CCDC148: variants seen among roughly 807,000 people sequenced by gnomAD.
CCDC148 encodes coiled-coil domain-containing protein 148.
Under a neutral mutation model 85.7 loss-of-function variants are expected in CCDC148, and 89 were observed. That is an observed-to-expected ratio of 1.04 (90% CI 0.87 to 1.24). The LOEUF is 1.24. CCDC148 is among the 50% of genes most tolerant of loss of function. The probability of loss-of-function intolerance (pLI) is 0.00; values close to 1 mark genes in which losing one functional copy is unlikely to be tolerated. For synonymous variants in CCDC148, 230 were observed against 213.9 expected (o/e 1.08, Z -0.66); for missense variants, 692 against 671.7 (o/e 1.03, Z -0.33).
At chr2:158,199,257 T>A (rs910257874) in intron 11 of CCDC148, among the ~76,000 whole-genome samples, 7 of 152,148 alleles carry the variant, frequency 4.6e-5, no homozygotes, top group African/African-American at 9.7e-5. Flanking sequence ...ATTTATATAT[T>A]TTTTTGAGAC....
chr2:158,324,687 T>C lies in CCDC148; in HGVS notation c.765-10793A>G, dbSNP rs375310327. On this transcript the variant is annotated intron_variant, in intron 7 of 13. Transcript: ENST00000283233. Reference sequence around the variant, plus strand: ...ATACACCAATTATATATTAAAATGCTCATTTCTCCCATACCATTTTAAACT... The same window carrying C: ...ATACACCAATTATATATTAAAATGCCCATTTCTCCCATACCATTTTAAACT... Among the ~76,000 whole-genome samples, 47 of 152,258 alleles carry C rather than the reference T, an allele frequency of 3.1e-4. No individual in the cohort carries two copies. The South Asian group carries it at 9.7e-3, about 32-fold the overall frequency.
At chr2:158,210,901 G>A (rs1255861318) in intron 11 of CCDC148, among the ~76,000 whole-genome samples, 2 of 149,032 alleles carry the variant, frequency 1.3e-5, no homozygotes, top group African/African-American at 2.5e-5. Context: ...GGAGCTTGCA[G>A]TGAGCCAAGA....
At chr2:158,239,074 G>A (rs1452242511) in intron 10 of CCDC148, among the ~76,000 whole-genome samples, 2 of 152,130 alleles carry the variant, frequency 1.3e-5, no homozygotes, top group African/African-American at 2.4e-5. Context: ...CTGTTAAGAA[G>A]ATTAAATGAA....
rs566677342 is a variant in CCDC148, at chr2:158,194,031, T to A, written c.1371-15035A>T. ...TAAAGTATAATAAAAAAAAAAAATT[T>A]AAAAAAATTTACAGTTTAAAGGGTA... On this transcript the variant is annotated intron_variant, in intron 11 of 13. Transcript: ENST00000283233. 5.8e-4 allele frequency among the ~76,000 whole-genome samples: 88 copies of A among 151,814 alleles called. 1 individual carries two copies. Among genetic ancestry groups the A allele is most frequent in the East Asian group, 3.3e-3 (17 of 5,132 alleles).
At chr2:158,330,269 A>G (rs200217595) in intron 7 of CCDC148, among the ~76,000 whole-genome samples, 3 of 151,976 alleles carry the variant, frequency 2.0e-5, no homozygotes, top group Non-Finnish European at 4.4e-5. Flanking sequence ...AGATAATCAT[A>G]TGGTTTTTGT....
At position 158,399,747 on chromosome 2, in the gene CCDC148, T is replaced by G. The variant is rs183806139; in HGVS notation, c.26-41177A>C. The stretch of plus-strand genomic sequence containing the variant: ...GGATGCCCTCTCTCTCCACTCCTAT[T>G]CAACATAGTATTGGAAGTTCTGGCC... On this transcript the variant is annotated intron_variant, in intron 1 of 13. Transcript: ENST00000283233. Among the ~76,000 whole-genome samples, 23 of 152,158 alleles carry G rather than the reference T, an allele frequency of 1.5e-4. No individual in the cohort carries two copies. The East Asian group carries it at 4.4e-3, about 29-fold the overall frequency.
intron 1 of CCDC148, among the ~76,000 whole-genome samples, chr2:158,359,951 A>G (rs1414500611): frequency 1.3e-5 from 2 of 152,192 alleles, no homozygotes; most frequent in Admixed American, 6.5e-5. Context: ...CCAGCACAGC[A>G]GTCTGAAGTT....
intron 9 of CCDC148, among the ~76,000 whole-genome samples, chr2:158,301,613 G>A (rs1168808978): frequency 6.6e-6 from 1 of 152,206 alleles, no homozygotes; most frequent in Non-Finnish European, 1.5e-5. Context: ...ACAGAAAACT[G>A]GAAGGCTCCA....
rs112935602 is a variant in CCDC148, at chr2:158,206,542, C to G, written c.1370+14053G>C. 7.2e-3 allele frequency among the ~76,000 whole-genome samples: 1,103 copies of G among 152,262 alleles called. 16 individuals carry two copies. Among genetic ancestry groups the G allele is most frequent in the African/African-American group, 0.025 (1,027 of 41,542 alleles). On this transcript the variant is annotated intron_variant, in intron 11 of 13. Transcript: ENST00000283233. The stretch of plus-strand genomic sequence containing the variant: ...GGATGGAGGAGGGAAATTTACCATG[C>G]AAATGTAATTTCAATAGGATGATTT...
chr2:158,439,351 T>G (rs148718819), intron 1 of CCDC148, among the ~76,000 whole-genome samples: 4,148 of 152,188 alleles, frequency 0.027, 76 homozygotes, highest in Middle Eastern at 0.1. Context: ...CTGGAAACCA[T>G]CATTCTCAGG....
At chr2:158,241,073 G>A (rs968594063) in intron 10 of CCDC148, among the ~76,000 whole-genome samples, 4 of 152,108 alleles carry the variant, frequency 2.6e-5, no homozygotes, top group African/African-American at 9.7e-5. Flanking sequence ...GAGAACAAAG[G>A]CACTCTCCTA....
At chr2:158,199,564 C>T (rs1412384725) in intron 11 of CCDC148, among the ~76,000 whole-genome samples, 1 of 152,104 alleles carries the variant, frequency 6.6e-6, no homozygotes, top group African/African-American at 2.4e-5. Flanking sequence ...AATTTAAAAC[C>T]AGTTTTTAGC....
intron 10 of CCDC148, among the ~76,000 whole-genome samples, chr2:158,221,058 CAAG>C (rs1315399164): frequency 6.6e-6 from 1 of 152,186 alleles, no homozygotes; most frequent in Admixed American, 6.5e-5. Flanking sequence ...ACCTGTTACT[CAAG>C]AATATTTTTA....
At position 158,313,858 on chromosome 2, in the gene CCDC148, G is replaced by A. The variant is rs138979340; in HGVS notation, c.801C>T (p.Tyr267=). The change falls in exon 8 of 14, where the codon TAC becomes TAT. Residue 267 remains tyrosine (Y), a synonymous_variant. Coordinates refer to ENST00000283233, the MANE Select transcript of CCDC148 (RefSeq NM_138803.4). ...CAGGGTACTGATCCAAAATAGCCTGGTAAATCCAGTGGTCTTCTTCACTTA... is the reference window on the plus strand; with the variant it reads ...CAGGGTACTGATCCAAAATAGCCTGATAAATCCAGTGGTCTTCTTCACTTA... ...CQLSEEDHWI[Y]QAILDQYPGD... The A allele has an allele frequency of 1.1e-4, 179 of 1,613,710 alleles. No individual in the cohort carries two copies. The highest frequency in any genetic ancestry group is 1.4e-4 in the Non-Finnish European group (162 of 1,179,836).
intron 10 of CCDC148, among the ~76,000 whole-genome samples, chr2:158,238,544 CAT>C (rs773511037): frequency 8.1e-4 from 124 of 152,260 alleles, no homozygotes; most frequent in Middle Eastern, 3.4e-3. Context: ...TTCCATAACA[CAT>C]GTCTTGATAC....
intron 1 of CCDC148, among the ~76,000 whole-genome samples, chr2:158,401,959 C>G (rs1262708604): frequency 6.6e-6 from 1 of 151,930 alleles, no homozygotes; most frequent in Admixed American, 6.6e-5. Flanking sequence ...CAGTGAGAAT[C>G]CCACGAAGCA....
At chr2:158,174,715 T>C (rs1363019850) in intron 13 of CCDC148, among the ~76,000 whole-genome samples, 3 of 151,982 alleles carry the variant, frequency 2.0e-5, no homozygotes, top group Non-Finnish European at 4.4e-5. Flanking sequence ...TAATGAGCTG[T>C]TACTGTGCTC....
At position 158,184,224 on chromosome 2, in the gene CCDC148, G is replaced by A. The variant is rs557633625; in HGVS notation, c.1371-5228C>T. Among the ~76,000 whole-genome samples the A allele has an allele frequency of 9.2e-5, 14 of 152,232 alleles. No individual in the cohort carries two copies. In the South Asian group the frequency reaches 1.5e-3, roughly 16 times the overall value. ...GGCAAGAACAAAGAAAACTCACAGG[G>A]TCTCTGCAGAATCAGAAAAGATGAA... On this transcript the variant is annotated intron_variant, in intron 11 of 13. Transcript: ENST00000283233.
intron 3 of CCDC148, among the ~76,000 whole-genome samples, chr2:158,343,964 T>C (rs1449331290): frequency 6.6e-6 from 1 of 152,098 alleles, no homozygotes; most frequent in Non-Finnish European, 1.5e-5. Context: ...TTATTTCCCA[T>C]AATGATATGT....
Sources: gnomAD v4.1 joint callset for allele counts (sites outside exome capture counted in the v4.1 genomes callset) on GRCh38, gnomAD v4.1.1 for gene constraint, MANE v1.5 for transcripts, NCBI Gene and HGNC (gene_info 2026-07-23, HGNC 2026-07-21) for gene names.